HACD1: variants seen among roughly 807,000 people sequenced by gnomAD.
HACD1 encodes the protein 3-hydroxyacyl-CoA dehydratase 1.
A neutral mutation model predicts 32.0 loss-of-function variants in HACD1; 41 were observed. The ratio of observed to expected loss-of-function variants is 1.28; its 90% CI spans 1.00 to 1.66. HACD1 has a LOEUF of 1.66. Among genes scored for constraint, HACD1 ranks in the 40% most tolerant of loss-of-function variants. The probability of loss-of-function intolerance (pLI) is 0.00; values close to 1 mark genes in which losing one functional copy is unlikely to be tolerated. For missense variants in HACD1, 396 were observed against 380.1 expected (o/e 1.04, Z -0.35); for synonymous variants, 142 against 139.0 (o/e 1.02, Z -0.15).
At position 17,594,402 on chromosome 10, in the gene HACD1, C is replaced by G; in HGVS notation, c.606-19G>C. The G allele has an allele frequency of 7.0e-7, 1 of 1,436,510 alleles. No homozygotes were observed. The highest frequency in any genetic ancestry group is 1.7e-5 in the South Asian group (1 of 58,606). The allele number at this position is 1,436,510 out of a possible 1,614,324, so 89.0% of individuals were successfully genotyped here. On this transcript the variant is annotated intron_variant, in intron 5 of 6. Coordinates refer to ENST00000361271, the MANE Select transcript of HACD1 (RefSeq NM_014241.4). The stretch of plus-strand genomic sequence containing the variant: ...ATTATATCTGGAGAAAGAAAAACCT[C>G]AGAGAATTATTTTTCTACAATAATT...
intron 1 of HACD1, among the ~76,000 whole-genome samples, chr10:17,616,769 A>T (rs934949646): frequency 6.6e-6 from 1 of 151,536 alleles, no homozygotes. Flanking sequence ...CTCCTTCAAC[A>T]GCAGCGAAGG....
At chr10:17,597,590 T>C (rs1834010563) in intron 5 of HACD1, among the ~76,000 whole-genome samples, 1 of 152,172 alleles carries the variant, frequency 6.6e-6, no homozygotes, top group Non-Finnish European at 1.5e-5. Flanking sequence ...AAATATGCAA[T>C]GTACATTCTG....
At chr10:17,595,934 C>T (rs1388753876) in intron 5 of HACD1, among the ~76,000 whole-genome samples, 1 of 151,894 alleles carries the variant, frequency 6.6e-6, no homozygotes, top group African/African-American at 2.4e-5. Context: ...GGCAGTGAGC[C>T]AAGACCGCAC....
rs1014885693 is a variant in HACD1, at chr10:17,603,964, G to A, written c.341C>T (p.Thr114Ile). The change falls in exon 2 of 7, where the codon ACA becomes ATA. Residue 114 changes from threonine to isoleucine, a missense_variant. Transcript: ENST00000361271. Reference sequence around the variant, plus strand: ...GGCAAATGTCTGGAAAAATTTAAGTGTCTTCTGAATACTTTTATATAAACC... The same window carrying A: ...GGCAAATGTCTGGAAAAATTTAAGTATCTTCTGAATACTTTTATATAAACC... ...HRGLYKSIQKTLKFFQTFALL... is the reference protein window; with the variant it reads ...HRGLYKSIQKILKFFQTFALL... 1.2e-5 allele frequency: 20 copies of A among 1,611,238 alleles called. No individual in the cohort carries two copies. The Admixed American group carries it at 2.5e-4, about 20-fold the overall frequency.
chr10:17,595,816 G>A (rs983235632), intron 5 of HACD1, among the ~76,000 whole-genome samples: 1 of 151,714 alleles, frequency 6.6e-6, no homozygotes, highest in South Asian at 2.1e-4. Flanking sequence ...GTAAGACCCC[G>A]TCTCACAAAA....
Position 17,617,207 on chromosome 10 carries a change from C to T in HACD1, c.133G>A (p.Glu45Lys), listed in dbSNP as rs781859068. Residue 45 changes from glutamate to lysine, a missense_variant, in exon 1 of 7, where the codon GAG becomes AAG. Glu to Lys is a moderately conservative substitution (Grantham distance 56). Coordinates refer to ENST00000361271, the MANE Select transcript of HACD1 (RefSeq NM_014241.4). ...GAGGCGCCGCCGTTGGTGCCGTCCT[C>T]GTCGCTGGACGCCATGGTGGCCGCG... ...RCAATMASSD[E>K]DGTNGGASEA... 4.7e-6 allele frequency: 7 copies of T among 1,495,538 alleles called. No individual in the cohort carries two copies. Among genetic ancestry groups the T allele is most frequent in the Middle Eastern group, 2.3e-4 (1 of 4,414 alleles). 92.6% of individuals were successfully genotyped at this position (1,495,538 alleles called of 1,614,324 possible).
chr10:17,610,695 A>T (rs1283718807), intron 1 of HACD1, among the ~76,000 whole-genome samples: 3 of 152,198 alleles, frequency 2.0e-5, no homozygotes, highest in Non-Finnish European at 4.4e-5. Flanking sequence ...ATTTGTAAAC[A>T]TCCACTGTGC....
At chr10:17,605,589 A>C (rs1214267433) in intron 1 of HACD1, among the ~76,000 whole-genome samples, 1 of 151,848 alleles carries the variant, frequency 6.6e-6, no homozygotes, top group Non-Finnish European at 1.5e-5. Flanking sequence ...CAACAACAAC[A>C]ACAATTGCTG....
chr10:17,593,783 T>C (rs1275805185), intron 6 of HACD1, among the ~76,000 whole-genome samples: 3 of 152,240 alleles, frequency 2.0e-5, no homozygotes, highest in African/African-American at 4.8e-5. Flanking sequence ...AAACTACTCC[T>C]AGATGATTTT....
At chr10:17,594,129 C>A in intron 6 of HACD1, 76 bp downstream of exon 6, 1 of 1,174,170 alleles carries the variant, frequency 8.5e-7, no homozygotes, top group South Asian at 3.3e-5. Flanking sequence ...AATTATTTCC[C>A]CTTGCATATT....
chr10:17,599,347 T>G lies in HACD1; in HGVS notation c.548A>C (p.Tyr183Ser), dbSNP rs1554816282. Reference protein sequence around the residue: ...VAWTVTEITRYSFYTFSLLDH... With the variant: ...VAWTVTEITRSSFYTFSLLDH... ...AAGAAGGCTGAATGTGTAGAAGGAA[T>G]AGCGAGTGATCTCTGTCACAGTCCA... The change falls in exon 5 of 7, where the codon TAT becomes TCT. Residue 183 changes from tyrosine to serine, a missense_variant. By Grantham distance (144) the Tyr-to-Ser change is moderately radical. Transcript: ENST00000361271. The G allele has an allele frequency of 2.5e-6, 4 of 1,613,908 alleles. No individual in the cohort carries two copies. The highest frequency in any genetic ancestry group is 8.5e-7 in the Non-Finnish European group (1 of 1,180,020).
rs1833901637 is a variant in HACD1, at chr10:17,589,387, A to G, written c.*977T>C. On this transcript the variant is annotated 3_prime_UTR_variant, in exon 7 of 7. Coordinates refer to ENST00000361271, the MANE Select transcript of HACD1 (RefSeq NM_014241.4). ...AACCTTGAATTCCTGGGCTCAAGTG[A>G]TCCTCCCACCTCAGCCTCCCAAGCA... is the stretch of plus-strand genomic sequence containing the variant. The G allele has an allele frequency of 6.6e-6, 1 of 151,980 alleles. No homozygotes were observed. Among genetic ancestry groups the G allele is most frequent in the South Asian group, 2.1e-4 (1 of 4,830 alleles). The allele number at this position is 151,980 out of a possible 1,614,324, so 9.4% of individuals were successfully genotyped here. A position where few individuals can be genotyped will look rare whatever the true frequency, so the allele number is the denominator to read the frequency against.
intron 1 of HACD1, among the ~76,000 whole-genome samples, chr10:17,612,436 T>C (rs1291112009): frequency 1.3e-5 from 2 of 152,238 alleles, no homozygotes; most frequent in Non-Finnish European, 2.9e-5. Context: ...TGAGTACTTC[T>C]TGGAGTTTAC....
rs781854872 is a variant in HACD1 at position 17,594,224 on chromosome 10, G to A, written c.765C>T (p.Thr255=). 2 of 1,567,980 alleles carry A rather than the reference G, an allele frequency of 1.3e-6. No individual in the cohort carries two copies. Among genetic ancestry groups the A allele is most frequent in the Non-Finnish European group, 1.7e-6 (2 of 1,157,598 alleles). The part of the protein sequence containing the change: ...SFDYYYFLLI[T]MASYIPLFPQ... ...ACTTACAAGGTATATATGATGCCAT[G>A]GTTATAAGAAGAAAATAATAGTAGT... Residue 255 remains threonine (T), a synonymous_variant, in exon 6 of 7, where the codon ACC becomes ACT. Transcript: ENST00000361271.
Position 17,603,559 on chromosome 10 carries a change from C to A in HACD1, c.483+1G>T. ...GTAGACAACATGTTTGTGTCACTTA[C>A]TGGTTTTATACTGTGAGTAATGAGC... On this transcript the variant is annotated splice_donor_variant, in intron 4 of 6. Coordinates refer to ENST00000361271, the MANE Select transcript of HACD1 (RefSeq NM_014241.4). LOFTEE classifies it high-confidence loss of function. The A allele has an allele frequency of 6.2e-7, 1 of 1,602,070 alleles. No homozygotes were observed. Among genetic ancestry groups the A allele is most frequent in the Non-Finnish European group, 8.5e-7 (1 of 1,170,138 alleles).
chr10:17,599,023 A>T, intron 5 of HACD1: 1 of 462,988 alleles, frequency 2.2e-6, no homozygotes, highest in Non-Finnish European at 3.2e-6. Flanking sequence ...TCCAAAAAAA[A>T]ATGAATGACT....
intron 1 of HACD1, chr10:17,615,641 G>C (rs750026927): frequency 2.8e-5 from 5 of 180,722 alleles, no homozygotes; most frequent in Admixed American, 1.9e-4. Context: ...AGCCAACACA[G>C]TGAGAGGCCA....
chr10:17,590,795 C>T (rs1833919035), intron 6 of HACD1, among the ~76,000 whole-genome samples: 1 of 152,138 alleles, frequency 6.6e-6, no homozygotes, highest in Admixed American at 6.6e-5. Context: ...CCTCAGTCTC[C>T]CGAGTAGCTG....
At chr10:17,601,544 C>T (rs1274277613) in intron 4 of HACD1, among the ~76,000 whole-genome samples, 1 of 152,192 alleles carries the variant, frequency 6.6e-6, no homozygotes. Context: ...ACTCGCGACT[C>T]TCAAGCTTCC....
Sources: allele counts gnomAD v4.1 joint callset (sites outside exome capture counted in the v4.1 genomes callset), GRCh38; gene constraint gnomAD v4.1.1; transcripts MANE v1.5; gene names NCBI Gene and HGNC (gene_info 2026-07-23, HGNC 2026-07-21).